The following GOPC variants were observed in gnomAD, a reference collection of about 807,000 sequenced individuals.
GOPC encodes the protein Golgi-associated PDZ and coiled-coil motif-containing protein.
Under a neutral mutation model 51.2 loss-of-function variants are expected in GOPC, and 32 were observed. The ratio of observed to expected loss-of-function variants is 0.63; its 90% CI spans 0.47 to 0.84. GOPC has a LOEUF of 0.84. Among genes scored for constraint, GOPC ranks in the 40% least tolerant of loss-of-function variants. The probability of loss-of-function intolerance (pLI) is 0.00; values close to 1 mark genes in which losing one functional copy is unlikely to be tolerated. For missense variants in GOPC, 441 were observed against 555.5 expected (o/e 0.79, Z 2.07); for synonymous variants, 190 against 205.1 (o/e 0.93, Z 0.63).
At chr6:117,584,906 A>G (rs748177232) in intron 1 of GOPC, among the ~76,000 whole-genome samples, 4 of 151,270 alleles carry the variant, frequency 2.6e-5, no homozygotes, top group Non-Finnish European at 4.4e-5. Context: ...CTTTACTTGC[A>G]TGTGATCCAT....
chr6:117,572,232 A>G (rs1344182298), intron 5 of GOPC, among the ~76,000 whole-genome samples: 1 of 152,088 alleles, frequency 6.6e-6, no homozygotes, highest in African/African-American at 2.4e-5. Context: ...TGAATGCCAG[A>G]TCTCACTCAG....
chr6:117,573,835 T>TA (rs1328378685), intron 4 of GOPC, among the ~76,000 whole-genome samples: 1 of 152,032 alleles, frequency 6.6e-6, no homozygotes, highest in South Asian at 2.1e-4. Context: ...GAAAAACCAG[T>TA]AAAAAAAATT....
chr6:117,577,430 C>T lies in GOPC; in HGVS notation c.474+18G>A, dbSNP rs1422275245. On this transcript the variant is annotated intron_variant, in intron 3 of 8. Coordinates refer to ENST00000368498, the MANE Select transcript of GOPC (RefSeq NM_020399.4). ...TTCAGCGTGACATATTAAAGCAAAA[C>T]AGAAACAATATACTTACCAGCTCCT... 1 of 1,602,712 alleles carries T rather than the reference C, an allele frequency of 6.2e-7. No homozygotes were observed. The highest frequency in any genetic ancestry group is 2.2e-5 in the East Asian group (1 of 44,640).
chr6:117,560,905 G>C lies in GOPC; in HGVS notation c.*2349C>G, dbSNP rs1332885911. The C allele has an allele frequency of 3.3e-5, 7 of 212,436 alleles. No homozygotes were observed. In the East Asian group the frequency reaches 4.9e-4, roughly 15 times the overall value. The allele number at this position is 212,436 out of a possible 1,614,324, so 13.2% of individuals were successfully genotyped here. On this transcript the variant is annotated 3_prime_UTR_variant, in exon 9 of 9. Coordinates refer to ENST00000368498, the MANE Select transcript of GOPC (RefSeq NM_020399.4). ...GTTTGGTTTTGTCCTAGAAGTTTCA[G>C]GGACATATGAATTTCTTTCCTATAA...
chr6:117,579,202 A>G, intron 1 of GOPC, 138 bp from the exon 2 acceptor site: 1 of 664,184 alleles, frequency 1.5e-6, no homozygotes, highest in Non-Finnish European at 2.4e-6. Flanking sequence ...TATCCAAGAT[A>G]CAAGACATCC....
chr6:117,561,101 A>G lies in GOPC; in HGVS notation c.*2153T>C, dbSNP rs945034893. 1.2e-4 allele frequency: 26 copies of G among 223,560 alleles called. No individual in the cohort carries two copies. Among genetic ancestry groups the G allele is most frequent in the African/African-American group, 5.8e-4 (26 of 44,800 alleles). The allele number at this position is 223,560 out of a possible 1,614,324, so 13.8% of individuals were successfully genotyped here. On this transcript the variant is annotated 3_prime_UTR_variant, in exon 9 of 9. Transcript: ENST00000368498. ...ACGGTGCTCTCCCGTAGGCTTATAA[A>G]CCACAGTGAAGCAGGAATGAAAAGG...
intron 1 of GOPC, among the ~76,000 whole-genome samples, chr6:117,581,623 A>G (rs1422634477): frequency 6.6e-6 from 1 of 152,216 alleles, no homozygotes; most frequent in African/African-American, 2.4e-5. Context: ...GAGTATGCTT[A>G]TAAGATTTGT....
chr6:117,602,388 C>T lies in GOPC; in HGVS notation c.-100G>A. On this transcript the variant is annotated 5_prime_UTR_variant, in exon 1 of 9. The change creates a new upstream start codon in the 5' untranslated region. Transcript: ENST00000368498. ...GAGGGGACCCCCGCGCGCGCGGGCA[C>T]ACTCCGTCACCTCCCTTCACCTCGC... The T allele has an allele frequency of 8.6e-7, 1 of 1,166,476 alleles. No homozygotes were observed. The highest frequency in any genetic ancestry group is 1.2e-6 in the Non-Finnish European group (1 of 853,352). 72.3% of individuals were successfully genotyped at this position (1,166,476 alleles called of 1,614,324 possible).
chr6:117,573,144 TCTAAG>T (rs1226842088), intron 5 of GOPC, among the ~76,000 whole-genome samples: 1 of 152,088 alleles, frequency 6.6e-6, no homozygotes, highest in Non-Finnish European at 1.5e-5. Flanking sequence ...GACCACACAC[TCTAAG>T]CTAAGATTAA....
intron 8 of GOPC, among the ~76,000 whole-genome samples, chr6:117,565,335 G>C (rs1241594137): frequency 6.6e-6 from 1 of 152,134 alleles, no homozygotes; most frequent in Non-Finnish European, 1.5e-5. Flanking sequence ...CTAAATGGAA[G>C]AGTATTTTAA....
intron 1 of GOPC, among the ~76,000 whole-genome samples, chr6:117,591,527 G>A (rs1780116831): frequency 6.6e-6 from 1 of 152,206 alleles, no homozygotes; most frequent in Non-Finnish European, 1.5e-5. Flanking sequence ...GAGCAGAGAG[G>A]AGTGGAGTAA....
intron 2 of GOPC, 104 bp from the exon 3 acceptor site, chr6:117,577,575 A>G (rs1240968842): frequency 2.4e-6 from 2 of 850,520 alleles, no homozygotes; most frequent in African/African-American, 3.5e-5. Context: ...GTTGGATATC[A>G]TTTGGGTAAA....
chr6:117,575,038 C>T (rs2114611866), intron 4 of GOPC, 139 bp downstream of exon 4: 5 of 593,068 alleles, frequency 8.4e-6, no homozygotes, highest in South Asian at 2.6e-5. Context: ...GAGATCATGC[C>T]ACTGCACTCC....
intron 1 of GOPC, among the ~76,000 whole-genome samples, chr6:117,594,868 C>T (rs1368651164): frequency 6.6e-6 from 1 of 152,204 alleles, no homozygotes; most frequent in African/African-American, 2.4e-5. Context: ...AGGCAGAACA[C>T]TCTTTCAAGG....
chr6:117,576,125 T>C (rs1012406737), intron 3 of GOPC, among the ~76,000 whole-genome samples: 2 of 152,130 alleles, frequency 1.3e-5, no homozygotes, highest in African/African-American at 2.4e-5. Flanking sequence ...ATTTGAATAC[T>C]AGTCAATAAA....
At position 117,568,026 on chromosome 6, in the gene GOPC, CAAAAAAAAAA is replaced by C. The variant is rs779227271; in HGVS notation, c.1078-1002_1078-993del. 1.1e-4 allele frequency among the ~76,000 whole-genome samples: 5 copies of C among 46,656 alleles called. No individual in the cohort carries two copies. In the East Asian group the frequency reaches 2.7e-3, roughly 25 times the overall value. 30.6% of individuals were successfully genotyped at this position (46,656 alleles called of 152,430 possible). On this transcript the variant is annotated intron_variant, in intron 7 of 8. Transcript: ENST00000368498. Reference sequence around the variant, plus strand: ...GGCAACATGGCAAAACCCATCTCTACAAAAAAAAAAAAAAAAAAAAAAATTAGCTGGCCAT... The same window carrying C: ...GGCAACATGGCAAAACCCATCTCTACAAAAAAAAAAAAATTAGCTGGCCAT...
At chr6:117,569,920 A>G (rs561937273) in intron 6 of GOPC, 184 bp from the exon 7 acceptor site, 5 of 598,098 alleles carry the variant, frequency 8.4e-6, no homozygotes, top group Non-Finnish European at 1.3e-5. Flanking sequence ...TATTGAACAG[A>G]AATTGGCTAA....
At position 117,602,497 on chromosome 6, in the gene GOPC, G is replaced by A; in HGVS notation, c.-209C>T. 2 of 589,622 alleles carry A rather than the reference G, an allele frequency of 3.4e-6. No individual in the cohort carries two copies. Among genetic ancestry groups the A allele is most frequent in the Non-Finnish European group, 6.0e-6 (2 of 332,086 alleles). The allele number at this position is 589,622 out of a possible 1,614,324, so 36.5% of individuals were successfully genotyped here. A position where few individuals can be genotyped will look rare whatever the true frequency, so the allele number is the denominator to read the frequency against. The stretch of plus-strand genomic sequence containing the variant: ...GCGGCAACGGCGGCGACACACGGAA[G>A]ACTCAGTCAGTCCCACCTCCCAGCC... On this transcript the variant is annotated 5_prime_UTR_variant, in exon 1 of 9. Coordinates refer to ENST00000368498, the MANE Select transcript of GOPC (RefSeq NM_020399.4).
intron 1 of GOPC, among the ~76,000 whole-genome samples, chr6:117,586,023 CTTTTG>C (rs905188317): frequency 6.6e-6 from 1 of 152,166 alleles, no homozygotes; most frequent in Non-Finnish European, 1.5e-5. Flanking sequence ...GCTTCTACAC[CTTTTG>C]TTTTAAAGTT....
Sources: gnomAD v4.1 joint callset for allele counts (sites outside exome capture counted in the v4.1 genomes callset) on GRCh38, gnomAD v4.1.1 for gene constraint, MANE v1.5 for transcripts, NCBI Gene and HGNC (gene_info 2026-07-23, HGNC 2026-07-21) for gene names.